FAM13A: variants seen among roughly 807,000 people sequenced by gnomAD.
FAM13A encodes family with sequence similarity 13 member A.
A neutral mutation model predicts 129.6 loss-of-function variants in FAM13A; 76 were observed. That is an observed-to-expected ratio of 0.59 (90% CI 0.49 to 0.71). The LOEUF (loss-of-function observed/expected upper bound fraction) is 0.71, where lower values mean the gene tolerates loss of function less well. FAM13A is among the 30% of genes least tolerant of loss of function. FAM13A has a pLI of 0.00. For missense variants in FAM13A, 1,108 were observed against 1,249.3 expected (o/e 0.89, Z 1.70); for synonymous variants, 443 against 449.9 (o/e 0.98, Z 0.20).
intron 18 of FAM13A, among the ~76,000 whole-genome samples, chr4:88,747,275 G>GT (rs1741549116): frequency 6.6e-6 from 1 of 152,154 alleles, no homozygotes; most frequent in African/African-American, 2.4e-5. Context: ...AAGCAGGGCT[G>GT]TGAGGCACAT....
chr4:88,826,269 C>T (rs946054541), intron 7 of FAM13A, among the ~76,000 whole-genome samples: 1 of 150,148 alleles, frequency 6.7e-6, no homozygotes, highest in African/African-American at 2.5e-5. Flanking sequence ...TTTGTGATGT[C>T]CACAGAGGAT....
chr4:88,792,413 T>C (rs1404253216), intron 8 of FAM13A, among the ~76,000 whole-genome samples: 1 of 152,052 alleles, frequency 6.6e-6, no homozygotes, highest in Non-Finnish European at 1.5e-5. Context: ...CTTAGGTATT[T>C]TACTTTGCTT....
At chr4:89,023,085 T>C (rs1767486861) in intron 2 of FAM13A, among the ~76,000 whole-genome samples, 1 of 152,230 alleles carries the variant, frequency 6.6e-6, no homozygotes, top group African/African-American at 2.4e-5. Context: ...TAATCTATTA[T>C]GTTTTGGGGT....
intron 6 of FAM13A, among the ~76,000 whole-genome samples, chr4:88,870,020 G>C (rs1407068684): frequency 6.6e-6 from 1 of 151,802 alleles, no homozygotes; most frequent in African/African-American, 2.4e-5. Flanking sequence ...CTGAGACTTT[G>C]ACAATTTAAA....
rs183763738 is a variant in FAM13A at position 88,965,843 on chromosome 4, T to C, written c.605+25130A>G. On this transcript the variant is annotated intron_variant, in intron 4 of 23. Coordinates refer to ENST00000264344, the MANE Select transcript of FAM13A (RefSeq NM_014883.4). ...TCTTTTTGTGACTAGCTTAGTTCAC[T>C]GAGCATAACGTCGGCAAGGTTCGTC... Among the ~76,000 whole-genome samples the C allele has an allele frequency of 2.2e-4, 33 of 152,336 alleles. No homozygotes were observed. In the East Asian group the frequency reaches 5.8e-3, roughly 27 times the overall value.
intron 4 of FAM13A, among the ~76,000 whole-genome samples, chr4:88,983,311 G>A (rs1289688074): frequency 6.6e-6 from 1 of 151,848 alleles, no homozygotes; most frequent in Admixed American, 6.6e-5. Context: ...GATTATGATG[G>A]ATAAAAGAGA....
Position 88,989,983 on chromosome 4 carries a change from T to A in FAM13A, c.605+990A>T, listed in dbSNP as rs923902815. On this transcript the variant is annotated intron_variant, in intron 4 of 23. Transcript: ENST00000264344. ...ATAGACTTTTTACTATCACGGAGCT[T>A]CTGAATAAGACAAAAAATTAGTGGA... The A allele has an allele frequency of 2.6e-5, 4 of 152,178 alleles. 1 individual carries two copies. The highest frequency in any genetic ancestry group is 7.2e-5 in the African/African-American group (3 of 41,454). 9.4% of individuals were successfully genotyped at this position (152,178 alleles called of 1,614,324 possible). A position where few individuals can be genotyped will look rare whatever the true frequency, so the allele number is the denominator to read the frequency against.
At chr4:89,031,947 C>T (rs971936967) in intron 1 of FAM13A, among the ~76,000 whole-genome samples, 2 of 152,096 alleles carry the variant, frequency 1.3e-5, no homozygotes, top group Non-Finnish European at 2.9e-5. Flanking sequence ...GGGCCAGGCA[C>T]GGTGGCTCAC....
At chr4:88,908,842 C>G (rs1748574222) in intron 5 of FAM13A, among the ~76,000 whole-genome samples, 2 of 152,132 alleles carry the variant, frequency 1.3e-5, no homozygotes, top group East Asian at 3.9e-4. Flanking sequence ...GGTACTGAAA[C>G]AGCAGCTCCC....
intron 6 of FAM13A, among the ~76,000 whole-genome samples, chr4:88,904,030 T>G (rs184275404): frequency 1.6e-4 from 24 of 152,298 alleles, no homozygotes; most frequent in African/African-American, 5.1e-4. Context: ...TCAACATCAC[T>G]GATCATTAGA....
chr4:89,004,675 TAAGCTTAA>T (rs1272412524), intron 3 of FAM13A, among the ~76,000 whole-genome samples: 4 of 152,182 alleles, frequency 2.6e-5, no homozygotes, highest in Non-Finnish European at 5.9e-5. Flanking sequence ...AGACCAATTT[TAAGCTTAA>T]AAGCAGAAAA....
rs183775014 is a variant in FAM13A at position 89,025,248 on chromosome 4, T to G, written c.217+4212A>C. On this transcript the variant is annotated intron_variant, in intron 2 of 23. Transcript: ENST00000264344. Reference sequence around the variant, plus strand: ...AAAGGTTAACCATGGAATCATTGTTTTTTTTTTTTTTTTTTTTTTTTTTTT... The same window carrying G: ...AAAGGTTAACCATGGAATCATTGTTGTTTTTTTTTTTTTTTTTTTTTTTTT... 7.3e-3 allele frequency among the ~76,000 whole-genome samples: 320 copies of G among 43,648 alleles called. 6 individuals are homozygous for G. The African/African-American group carries it at 0.075, about 10-fold the overall frequency. 28.6% of individuals were successfully genotyped at this position (43,648 alleles called of 152,430 possible).
intron 6 of FAM13A, among the ~76,000 whole-genome samples, chr4:88,875,631 T>A (rs539238073): frequency 2.8e-4 from 42 of 152,196 alleles, no homozygotes; most frequent in Non-Finnish European, 5.1e-4. Flanking sequence ...CATTAAAAAG[T>A]CAGGAAACAA....
intron 21 of FAM13A, 114 bp downstream of exon 21, chr4:88,737,358 A>G: frequency 1.2e-6 from 1 of 841,980 alleles, no homozygotes; most frequent in Non-Finnish European, 2.0e-6. Flanking sequence ...GGAATGCTGT[A>G]AGAAGCCACC....
At chr4:88,755,872 C>T (rs1743509330) in intron 14 of FAM13A, among the ~76,000 whole-genome samples, 2 of 152,184 alleles carry the variant, frequency 1.3e-5, no homozygotes, top group African/African-American at 4.8e-5. Flanking sequence ...TGGTTTTGAA[C>T]TCCTGGGCTG....
chr4:88,976,866 C>G (rs1402738171), intron 4 of FAM13A, among the ~76,000 whole-genome samples: 1 of 152,042 alleles, frequency 6.6e-6, no homozygotes, highest in African/African-American at 2.4e-5. Context: ...CAAATGCTCA[C>G]CATTGTATTA....
intron 6 of FAM13A, among the ~76,000 whole-genome samples, chr4:88,868,690 A>ATGTC (rs1465268710): frequency 3.3e-5 from 5 of 152,154 alleles, no homozygotes; most frequent in Admixed American, 3.3e-4. Flanking sequence ...AGATTTATAC[A>ATGTC]TGTCTATAAA....
At chr4:88,968,364 C>G (rs1291739555) in intron 4 of FAM13A, among the ~76,000 whole-genome samples, 2 of 152,160 alleles carry the variant, frequency 1.3e-5, no homozygotes, top group Non-Finnish European at 2.9e-5. Context: ...AGAGGCCAAA[C>G]AACCATTGTT....
chr4:88,884,378 A>C (rs1417076362), intron 6 of FAM13A, among the ~76,000 whole-genome samples: 1 of 152,192 alleles, frequency 6.6e-6, no homozygotes, highest in Non-Finnish European at 1.5e-5. Context: ...TACACCACAT[A>C]AACAGAATTA....
Sources: allele counts gnomAD v4.1 joint callset (sites outside exome capture counted in the v4.1 genomes callset), GRCh38; gene constraint gnomAD v4.1.1; transcripts MANE v1.5; gene names NCBI Gene and HGNC (gene_info 2026-07-23, HGNC 2026-07-21).